TRARG1: variants seen among roughly 807,000 people sequenced by gnomAD.
The protein encoded by TRARG1 is trafficking regulator of GLUT4 1.
A neutral mutation model predicts 13.3 loss-of-function variants in TRARG1; 16 were observed. That is an observed-to-expected ratio of 1.20 (90% confidence interval 0.81 to 1.83). The LOEUF (loss-of-function observed/expected upper bound fraction) is 1.83. Among genes scored for constraint, TRARG1 ranks in the 40% most tolerant of loss-of-function variants. The probability of loss-of-function intolerance (pLI) is 0.00; values close to 1 mark genes in which losing one functional copy is unlikely to be tolerated. For synonymous variants in TRARG1, 113 were observed against 106.2 expected, an observed-to-expected ratio of 1.06 and a Z score of -0.39; for missense variants, 250 against 237.4, an observed-to-expected ratio of 1.05 and a Z score of -0.35.
rs111678552 is a variant in TRARG1, at chr17:1,282,304, A to C, written c.387+1916A>C. On this transcript the variant is annotated intron_variant, in intron 1 of 2. Transcript: ENST00000333813. ...TATGTACATATATGTACGTATATGTACATATGCGTATATATGTACATATAT... is the reference window on the plus strand; with the variant it reads ...TATGTACATATATGTACGTATATGTCCATATGCGTATATATGTACATATAT... 6.8e-3 allele frequency among the ~76,000 whole-genome samples: 1,019 copies of C among 150,174 alleles called. 23 individuals are homozygous for C. The highest frequency in any genetic ancestry group is 0.024 in the African/African-American group (957 of 39,658).
chr17:1,284,772 C>T (rs539886052), intron 1 of TRARG1, among the ~76,000 whole-genome samples: 1 of 152,170 alleles, frequency 6.6e-6, no homozygotes, highest in East Asian at 1.9e-4. Context: ...GCTCCACCTC[C>T]CGGGTTCACG....
chr17:1,293,979 G>A (rs2072093051), intron 1 of TRARG1, among the ~76,000 whole-genome samples: 1 of 152,114 alleles, frequency 6.6e-6, no homozygotes, highest in African/African-American at 2.4e-5. Flanking sequence ...AAGCTGCCTG[G>A]CATGAAGTAA....
At position 1,279,835 on chromosome 17, in the gene TRARG1, A is replaced by T; in HGVS notation, c.-167A>T. 1.4e-6 allele frequency: 1 copy of T among 727,398 alleles called. No individual in the cohort carries two copies. Among genetic ancestry groups the T allele is most frequent in the South Asian group, 2.4e-5 (1 of 41,876 alleles). 45.1% of individuals were successfully genotyped at this position (727,398 alleles called of 1,614,324 possible). The stretch of plus-strand genomic sequence containing the variant: ...AGCCTCTGAACTCAGCTGGCTTGAG[A>T]AGCTCAGCCCAACCCTTCCAGCACC... On this transcript the variant is annotated 5_prime_UTR_variant, in exon 1 of 3. Transcript: ENST00000333813.
chr17:1,297,354 G>T (rs1383450322), intron 2 of TRARG1, among the ~76,000 whole-genome samples: 1 of 152,116 alleles, frequency 6.6e-6, no homozygotes, highest in Non-Finnish European at 1.5e-5. Flanking sequence ...AGCAACCTTG[G>T]CCACTTAGGA....
At chr17:1,297,378 G>T (rs572883624) in intron 2 of TRARG1, among the ~76,000 whole-genome samples, 1 of 151,998 alleles carries the variant, frequency 6.6e-6, no homozygotes, top group African/African-American at 2.4e-5. Context: ...GGAAGCGTTC[G>T]GGTTTGGAAT....
At position 1,299,132 on chromosome 17, in the gene TRARG1, C is replaced by G. The variant is rs1221832813; in HGVS notation, c.*868C>G. On this transcript the variant is annotated 3_prime_UTR_variant, in exon 3 of 3. Coordinates refer to ENST00000333813, the MANE Select transcript of TRARG1 (RefSeq NM_172367.3). ...GGCCGAGGTCTGAGCTCTCGTCCTG[C>G]CGTGGCCCCCGCGATGGCCTGGGGT... The G allele has an allele frequency of 6.6e-6, 1 of 152,452 alleles. No homozygotes were observed. Among genetic ancestry groups the G allele is most frequent in the Admixed American group, 6.5e-5 (1 of 15,284 alleles). 9.4% of individuals were successfully genotyped at this position (152,452 alleles called of 1,614,324 possible).
Position 1,299,594 on chromosome 17 carries a change from C to T in TRARG1, c.*1330C>T, listed in dbSNP as rs1161543046. 11 of 152,388 alleles carry T rather than the reference C, an allele frequency of 7.2e-5. No individual in the cohort carries two copies. Among genetic ancestry groups the T allele is most frequent in the African/African-American group, 2.4e-4 (10 of 41,422 alleles). 9.4% of individuals were successfully genotyped at this position (152,388 alleles called of 1,614,324 possible). ...CTTCGTTCCAGGCCCATGATTTTCC[C>T]TACACTTCTCCCTGGCCCAGGCTCC... On this transcript the variant is annotated 3_prime_UTR_variant, in exon 3 of 3. Coordinates refer to ENST00000333813, the MANE Select transcript of TRARG1 (RefSeq NM_172367.3).
intron 1 of TRARG1, among the ~76,000 whole-genome samples, chr17:1,290,269 G>A (rs576330220): frequency 2.0e-5 from 3 of 152,186 alleles, no homozygotes; most frequent in South Asian, 4.1e-4. Context: ...ACAAAATCCC[G>A]ACTCCCTTAT....
At chr17:1,296,606 G>A (rs1316989970) in intron 2 of TRARG1, among the ~76,000 whole-genome samples, 1 of 151,376 alleles carries the variant, frequency 6.6e-6, no homozygotes, top group South Asian at 2.1e-4. Context: ...CCACCTCCCA[G>A]GTTCAAGTGA....
intron 2 of TRARG1, among the ~76,000 whole-genome samples, chr17:1,297,575 T>C (rs2072120988): frequency 6.6e-6 from 1 of 150,700 alleles, no homozygotes; most frequent in Non-Finnish European, 1.5e-5. Flanking sequence ...TGCTGCTGCT[T>C]GTTATTTTAG....
chr17:1,288,583 C>T, intron 1 of TRARG1, among the ~76,000 whole-genome samples: 1 of 70,038 alleles, frequency 1.4e-5, no homozygotes, highest in Non-Finnish European at 2.7e-5. Flanking sequence ...CCCCCATGGG[C>T]TCCTCGTCCC....
intron 1 of TRARG1, among the ~76,000 whole-genome samples, chr17:1,282,907 C>G (rs1291667847): frequency 1.3e-5 from 2 of 152,036 alleles, no homozygotes; most frequent in Non-Finnish European, 2.9e-5. Context: ...TCAGGCTGGT[C>G]TCAAACTCCT....
In TRARG1 at chr17:1,280,366, T is replaced by A. The variant is rs928019418; in HGVS notation, c.365T>A (p.Ile122Asn). Residue 122 changes from isoleucine (I) to asparagine (N), a missense_variant, in exon 1 of 3, where the codon ATC (isoleucine) becomes AAC (asparagine). Physicochemically the swap from Ile to Asn is moderately radical, Grantham distance 149 (BLOSUM62 -3). Transcript: ENST00000333813. ...TGCCCCGTCTGGCCCCTCAACCTCA[T>A]CCCCCTCATCATTTCCATCATGGTA... is the stretch of plus-strand genomic sequence containing the variant. ...CFCPVWPLNL[I>N]PLIISIMSRS... 3 of 1,603,132 alleles carry A rather than the reference T, an allele frequency of 1.9e-6. No homozygotes were observed. Among genetic ancestry groups the A allele is most frequent in the African/African-American group, 2.7e-5 (2 of 74,590 alleles).
chr17:1,296,765 C>T (rs1272128317), intron 2 of TRARG1, among the ~76,000 whole-genome samples: 1 of 152,116 alleles, frequency 6.6e-6, no homozygotes. Flanking sequence ...CCCGCCTCAG[C>T]CTCCCAAAGT....
At chr17:1,282,524 C>T (rs1245304779) in intron 1 of TRARG1, among the ~76,000 whole-genome samples, 1 of 151,582 alleles carries the variant, frequency 6.6e-6, no homozygotes, top group Non-Finnish European at 1.5e-5. Context: ...GAGCCCACCA[C>T]CACACCTGGC....
At position 1,299,535 on chromosome 17, in the gene TRARG1, C is replaced by G. The variant is rs1222122111; in HGVS notation, c.*1271C>G. 1 of 152,182 alleles carries G rather than the reference C, an allele frequency of 6.6e-6. No individual in the cohort carries two copies. The highest frequency in any genetic ancestry group is 1.5e-5 in the Non-Finnish European group (1 of 68,074). 9.4% of individuals were successfully genotyped at this position (152,182 alleles called of 1,614,324 possible). On this transcript the variant is annotated 3_prime_UTR_variant, in exon 3 of 3. Transcript: ENST00000333813. ...CTCATCTTAGGACCTAATGGGACCC[C>G]CGAAAGGAGCCAAGTGGGGCCCTCG... is the stretch of plus-strand genomic sequence containing the variant.
chr17:1,286,834 T>G (rs2072029042), intron 1 of TRARG1, among the ~76,000 whole-genome samples: 1 of 149,710 alleles, frequency 6.7e-6, no homozygotes, highest in Non-Finnish European at 1.5e-5. Context: ...GGTGTTGTTG[T>G]CGGCCTGTGG....
rs1347269942 is a variant in TRARG1 at position 1,279,944 on chromosome 17, T to C, written c.-58T>C. 2 of 1,538,304 alleles carry C rather than the reference T, an allele frequency of 1.3e-6. No homozygotes were observed. Among genetic ancestry groups the C allele is most frequent in the African/African-American group, 1.4e-5 (1 of 72,630 alleles). On this transcript the variant is annotated 5_prime_UTR_variant, in exon 1 of 3. Coordinates refer to ENST00000333813, the MANE Select transcript of TRARG1 (RefSeq NM_172367.3). ...TGGGCTGGGGAATGGCGCGCTGAGG[T>C]CCCTCCAGAGCCCCTTGTCCCAGCC...
At chr17:1,288,235 C>G (rs1344074392) in intron 1 of TRARG1, among the ~76,000 whole-genome samples, 1 of 150,880 alleles carries the variant, frequency 6.6e-6, no homozygotes, top group East Asian at 1.9e-4. Context: ...TCATCCCCCA[C>G]CAGCTCCCCA....
Sources: allele counts gnomAD v4.1 joint callset (sites outside exome capture counted in the v4.1 genomes callset), GRCh38; gene constraint gnomAD v4.1.1; transcripts MANE v1.5; gene names NCBI Gene and HGNC (gene_info 2026-07-23, HGNC 2026-07-21).